The following RNF2 variants were observed in gnomAD, a reference collection of about 807,000 sequenced individuals.
The protein encoded by RNF2 is E3 ubiquitin-protein ligase RING2.
RNF2 carries 6 observed loss-of-function variants against 37.2 expected under a neutral mutation model. That is an observed-to-expected ratio of 0.16 (90% CI 0.09 to 0.32). RNF2 has a LOEUF of 0.32. Ranked by LOEUF, RNF2 falls within the 10% of genes least tolerant of loss-of-function variation. The probability of loss-of-function intolerance (pLI) is 1.00; values close to 1 mark genes in which losing one functional copy is unlikely to be tolerated. For synonymous variants in RNF2, 133 were observed against 132.7 expected (o/e 1.00, Z -0.02); for missense variants, 251 against 404.0 (o/e 0.62, Z 3.25).
At chr1:185,054,728 G>A (rs1044744043) in intron 1 of RNF2, among the ~76,000 whole-genome samples, 2 of 152,122 alleles carry the variant, frequency 1.3e-5, no homozygotes, top group African/African-American at 2.4e-5. Flanking sequence ...TTAAGACAGG[G>A]TCTCTTTCGC....
chr1:185,068,182 A>G (rs918303008), intron 1 of RNF2, among the ~76,000 whole-genome samples: 2 of 152,186 alleles, frequency 1.3e-5, no homozygotes, highest in African/African-American at 4.8e-5. Flanking sequence ...AAAACAAATT[A>G]AGGAAACAGC....
intron 1 of RNF2, among the ~76,000 whole-genome samples, chr1:185,051,282 G>A (rs1248765570): frequency 6.6e-6 from 1 of 152,314 alleles, no homozygotes; most frequent in East Asian, 1.9e-4. Context: ...AGGCTTTACT[G>A]TATTACAGAA....
At chr1:185,071,162 A>C (rs140670199) in intron 1 of RNF2, among the ~76,000 whole-genome samples, 1 of 152,174 alleles carries the variant, frequency 6.6e-6, no homozygotes, top group Non-Finnish European at 1.5e-5. Context: ...TATACTTTAC[A>C]TATGAAAAGA....
intron 1 of RNF2, among the ~76,000 whole-genome samples, chr1:185,058,664 A>G (rs933589643): frequency 3.3e-5 from 5 of 152,144 alleles, no homozygotes; most frequent in South Asian, 2.1e-4. Flanking sequence ...GTTTTTCTTT[A>G]TTGTGTTATG....
rs1023139572 is a variant in RNF2, at chr1:185,099,927, A to G, written c.874A>G (p.Thr292Ala). ...TGATACAGCCAGTGAGAAGCAGTAT[A>G]CCATTTATATAGCAACAGCCAGTGG... is the stretch of plus-strand genomic sequence containing the variant. ...NLDTASEKQY[T>A]IYIATASGQF... The change falls in exon 6 of 7, where the codon ACC becomes GCC. Residue 292 changes from threonine to alanine, a missense_variant. Transcript: ENST00000367510. The G allele has an allele frequency of 1.9e-6, 3 of 1,613,270 alleles. No individual in the cohort carries two copies. Among genetic ancestry groups the G allele is most frequent in the Non-Finnish European group, 2.5e-6 (3 of 1,179,378 alleles).
chr1:185,079,048 G>A (rs1263412443), intron 1 of RNF2, among the ~76,000 whole-genome samples: 1 of 149,364 alleles, frequency 6.7e-6, no homozygotes, highest in Non-Finnish European at 1.5e-5. Context: ...GGAGCTGCCA[G>A]CTTTCACGGT....
Position 185,075,656 on chromosome 1 carries a change from A to C in RNF2, c.-2-11896A>C, listed in dbSNP as rs143546505. ...GAGCAGGCAGGTCCTACATGTCTGG[A>C]GCAGGAGGAAGAGAGAGCAGTGGGA... On this transcript the variant is annotated intron_variant, in intron 1 of 6. Transcript: ENST00000367510. Among the ~76,000 whole-genome samples the C allele has an allele frequency of 4.2e-3, 632 of 152,286 alleles. 4 individuals are homozygous for C. Among genetic ancestry groups the C allele is most frequent in the African/African-American group, 0.015 (613 of 41,560 alleles).
rs80158366 is a variant in RNF2, at chr1:185,096,031, A to T, written c.465-2041A>T. On this transcript the variant is annotated intron_variant, in intron 4 of 6. Coordinates refer to ENST00000367510, the MANE Select transcript of RNF2 (RefSeq NM_007212.4). Reference sequence around the variant, plus strand: ...TATTCTTTAAACGCTGCCTGCAGTTACATTAATATAGCTCTGTCACATCAA... The same window carrying T: ...TATTCTTTAAACGCTGCCTGCAGTTTCATTAATATAGCTCTGTCACATCAA... Among the ~76,000 whole-genome samples, 598 of 152,330 alleles carry T rather than the reference A, an allele frequency of 3.9e-3. 4 individuals are homozygous for T. Among genetic ancestry groups the T allele is most frequent in the African/African-American group, 0.013 (558 of 41,584 alleles).
chr1:185,094,602 T>C (rs919675638), intron 4 of RNF2, among the ~76,000 whole-genome samples: 2 of 152,220 alleles, frequency 1.3e-5, no homozygotes, highest in African/African-American at 2.4e-5. Flanking sequence ...CTACTTCCCA[T>C]GCTTACTCCC....
chr1:185,059,250 T>C (rs964478772), intron 1 of RNF2, among the ~76,000 whole-genome samples: 3 of 151,680 alleles, frequency 2.0e-5, no homozygotes, highest in East Asian at 3.9e-4. Context: ...ACCTCCGTAA[T>C]AGTTTTTCTT....
intron 1 of RNF2, among the ~76,000 whole-genome samples, chr1:185,076,308 T>TTTTTTTTTG (rs1431777673): frequency 2.6e-5 from 3 of 113,244 alleles, no homozygotes; most frequent in Admixed American, 1.0e-4. Context: ...TTTTTTTTTT[T>TTTTTTTTTG]GAGACAGAGT....
chr1:185,097,360 A>C (rs966113524), intron 4 of RNF2, among the ~76,000 whole-genome samples: 1 of 152,158 alleles, frequency 6.6e-6, no homozygotes, highest in African/African-American at 2.4e-5. Flanking sequence ...AGTACTTACT[A>C]TTCTTCTTAA....
Position 185,102,591 on chromosome 1 carries a change from C to A in RNF2, c.*2290C>A, listed in dbSNP as rs1447112348. On this transcript the variant is annotated 3_prime_UTR_variant, in exon 7 of 7. Transcript: ENST00000367510. ...TGTGTGCAATTAAAGTAATGCATTT[C>A]TCTTCTTCTTAACCCCTAGCAACCT... 2 of 152,166 alleles carry A rather than the reference C, an allele frequency of 1.3e-5. No individual in the cohort carries two copies. The highest frequency in any genetic ancestry group is 2.9e-5 in the Non-Finnish European group (2 of 68,006). 9.4% of individuals were successfully genotyped at this position (152,166 alleles called of 1,614,324 possible). A position where few individuals can be genotyped will look rare whatever the true frequency, so the allele number is the denominator to read the frequency against.
At chr1:185,062,765 T>TAA (rs200657857) in intron 1 of RNF2, among the ~76,000 whole-genome samples, 2 of 143,006 alleles carry the variant, frequency 1.4e-5, no homozygotes, top group Admixed American at 1.4e-4. Context: ...CAAGTTAACT[T>TAA]AAAAAAAAAA....
intron 1 of RNF2, chr1:185,071,434 T>C (rs1650969866): frequency 6.6e-6 from 1 of 152,206 alleles, no homozygotes; most frequent in Non-Finnish European, 1.5e-5. Flanking sequence ...TACATATGTC[T>C]TGGTTGTGAA....
intron 4 of RNF2, among the ~76,000 whole-genome samples, chr1:185,094,144 A>AT (rs954161391): frequency 1.3e-4 from 19 of 142,230 alleles, no homozygotes; most frequent in African/African-American, 4.5e-4. Flanking sequence ...TTTTTTTTTT[A>AT]TTTTTTTTAT....
intron 1 of RNF2, among the ~76,000 whole-genome samples, chr1:185,083,939 T>TAAAA (rs750661158): frequency 1.6e-5 from 2 of 126,114 alleles, no homozygotes; most frequent in Non-Finnish European, 3.3e-5. Flanking sequence ...GTCTTTTCCT[T>TAAAA]AAAAAAAAAA....
At chr1:185,080,484 T>TA (rs1651313133) in intron 1 of RNF2, among the ~76,000 whole-genome samples, 1 of 152,218 alleles carries the variant, frequency 6.6e-6, no homozygotes, top group South Asian at 2.1e-4. Flanking sequence ...GACATGTTCA[T>TA]AAGAATTGAG....
intron 1 of RNF2, among the ~76,000 whole-genome samples, chr1:185,064,819 C>A (rs1191390258): frequency 6.6e-6 from 1 of 151,980 alleles, no homozygotes; most frequent in Non-Finnish European, 1.5e-5. Context: ...TATTCCTAAG[C>A]ATTATTATTT....
Sources: allele counts gnomAD v4.1 joint callset (sites outside exome capture counted in the v4.1 genomes callset), GRCh38; gene constraint gnomAD v4.1.1; transcripts MANE v1.5; gene names NCBI Gene and HGNC (gene_info 2026-07-23, HGNC 2026-07-21).